COL25A1: variants seen among roughly 807,000 people sequenced by gnomAD.
The protein encoded by COL25A1 is collagen type XXV alpha 1 chain.
A neutral mutation model predicts 128.4 loss-of-function variants in COL25A1; 103 were observed. The observed-to-expected ratio is 0.80, with a 90% confidence interval of 0.68 to 0.94. The LOEUF (loss-of-function observed/expected upper bound fraction) is 0.94. COL25A1 is among the 40% of genes least tolerant of loss of function. The pLI, the probability that COL25A1 is intolerant of heterozygous loss-of-function variation, is 0.00. For synonymous variants in COL25A1, 279 were observed against 277.2 expected, an observed-to-expected ratio of 1.01 and a Z score of -0.06; for missense variants, 745 against 840.0, an observed-to-expected ratio of 0.89 and a Z score of 1.40.
At chr4:109,239,368 G>T (rs1779690237) in intron 3 of COL25A1, among the ~76,000 whole-genome samples, 1 of 95,514 alleles carries the variant, frequency 1.0e-5, no homozygotes, top group South Asian at 3.6e-4. Context: ...TATTATATAT[G>T]TGTGTGTATG....
chr4:108,835,034 G>A lies in COL25A1; in HGVS notation c.1657-2601C>T, dbSNP rs1262298174. On this transcript the variant is annotated intron_variant, in intron 31 of 37. Transcript: ENST00000399132. Reference sequence around the variant, plus strand: ...GAAAAAGCCAGAAAACAATGTGTGCGACCAAGCAAAAAATAACTTCCAAAC... The same window carrying A: ...GAAAAAGCCAGAAAACAATGTGTGCAACCAAGCAAAAAATAACTTCCAAAC... Among the ~76,000 whole-genome samples the A allele has an allele frequency of 7.2e-5, 11 of 152,108 alleles. 1 individual carries two copies. Among genetic ancestry groups the A allele is most frequent in the Admixed American group, 7.2e-4 (11 of 15,272 alleles).
Position 109,248,109 on chromosome 4 carries a change from C to T in COL25A1, c.367+52474G>A, listed in dbSNP as rs138800151. On this transcript the variant is annotated intron_variant, in intron 3 of 37. Transcript: ENST00000399132. ...CTACGCATGCCTATATAATGTATTG[C>T]TATATAATGTAAATATATATGTATA... Among the ~76,000 whole-genome samples the T allele has an allele frequency of 8.3e-3, 1,266 of 151,968 alleles. 8 individuals carry two copies. The highest frequency in any genetic ancestry group is 0.038 in the Middle Eastern group (11 of 292).
intron 6 of COL25A1, 80 bp from the exon 7 acceptor site, chr4:108,974,639 G>C: frequency 8.3e-7 from 1 of 1,198,978 alleles, no homozygotes; most frequent in Non-Finnish European, 1.2e-6. Context: ...TTAGTTGAAA[G>C]ATTCATTCAA....
chr4:109,253,802 T>C (rs1414637651), intron 3 of COL25A1, among the ~76,000 whole-genome samples: 1 of 152,136 alleles, frequency 6.6e-6, no homozygotes, highest in Non-Finnish European at 1.5e-5. Context: ...TTTTTAAACA[T>C]TTAGGCCGGG....
chr4:109,280,675 CAG>C (rs1723293243), intron 3 of COL25A1, among the ~76,000 whole-genome samples: 2 of 150,516 alleles, frequency 1.3e-5, no homozygotes, highest in African/African-American at 2.4e-5. Context: ...TTTTTTGAGA[CAG>C]AGTCTTGCTC....
At chr4:109,197,881 A>G (rs1302818265) in intron 3 of COL25A1, among the ~76,000 whole-genome samples, 2 of 152,156 alleles carry the variant, frequency 1.3e-5, no homozygotes, top group Admixed American at 6.5e-5. Flanking sequence ...ACTAACAAGT[A>G]CCAGTGGAAT....
intron 8 of COL25A1, among the ~76,000 whole-genome samples, chr4:108,966,215 A>T (rs1030768284): frequency 2.0e-5 from 3 of 151,744 alleles, no homozygotes; most frequent in Non-Finnish European, 4.4e-5. Context: ...TCATTCATTC[A>T]CTTATGTTTT....
chr4:108,859,713 C>A lies in COL25A1; in HGVS notation c.1263G>T (p.Gly421=), dbSNP rs1429650244. The A allele has an allele frequency of 6.2e-7, 1 of 1,613,812 alleles. No homozygotes were observed. Among genetic ancestry groups the A allele is most frequent in the South Asian group, 1.1e-5 (1 of 91,060 alleles). ...QGPRGPPGQK[G]DQGATEIIDY... is the part of the protein sequence containing the mutation. ...CTATGATCTCAGTGGCTCCTTGATCCCCTTTTTGACCAGGTGGACCCTATG... is the reference window on the plus strand; with the variant it reads ...CTATGATCTCAGTGGCTCCTTGATCACCTTTTTGACCAGGTGGACCCTATG... The change falls in exon 24 of 38, where the codon GGG becomes GGT. Residue 421 remains glycine, a synonymous_variant. Transcript: ENST00000399132.
intron 8 of COL25A1, among the ~76,000 whole-genome samples, chr4:108,967,530 T>C (rs1751449773): frequency 6.6e-6 from 1 of 152,180 alleles, no homozygotes; most frequent in East Asian, 1.9e-4. Context: ...GATTTTTTCA[T>C]ATACTACTTT....
At chr4:108,907,931 G>C (rs1177075237) in intron 13 of COL25A1, among the ~76,000 whole-genome samples, 1 of 152,074 alleles carries the variant, frequency 6.6e-6, no homozygotes, top group Non-Finnish European at 1.5e-5. Flanking sequence ...TGCTTCCATG[G>C]GGCTGTTTTT....
chr4:109,168,185 G>A (rs906499306), intron 3 of COL25A1, among the ~76,000 whole-genome samples: 4 of 152,132 alleles, frequency 2.6e-5, no homozygotes, highest in African/African-American at 9.7e-5. Flanking sequence ...TTGTTTTCAA[G>A]GTTATGTGAA....
chr4:108,848,746 CT>C lies in COL25A1; in HGVS notation c.1434+12del. The C allele has an allele frequency of 6.4e-7, 1 of 1,564,742 alleles. No homozygotes were observed. The highest frequency in any genetic ancestry group is 8.8e-7 in the Non-Finnish European group (1 of 1,135,350). On this transcript the variant is annotated intron_variant, in intron 27 of 37. Coordinates refer to ENST00000399132, the MANE Select transcript of COL25A1 (RefSeq NM_198721.4). ...TGATGCTTTAAATAATAGTATACATCTTTGAAAATTACCTGCTCTCCATCCA... is the reference window on the plus strand; with the variant it reads ...TGATGCTTTAAATAATAGTATACATCTTGAAAATTACCTGCTCTCCATCCA...
intron 6 of COL25A1, among the ~76,000 whole-genome samples, chr4:108,976,844 C>G (rs1752487136): frequency 6.6e-6 from 1 of 152,202 alleles, no homozygotes. Context: ...TTACTAATAA[C>G]TACATCATGT....
intron 8 of COL25A1, among the ~76,000 whole-genome samples, chr4:108,950,905 A>C (rs1161421495): frequency 6.6e-6 from 1 of 152,224 alleles, no homozygotes; most frequent in African/African-American, 2.4e-5. Context: ...CTCTGGTTAG[A>C]GGAGCAGGCA....
intron 3 of COL25A1, among the ~76,000 whole-genome samples, chr4:109,098,846 A>G (rs1157735575): frequency 6.6e-6 from 1 of 152,240 alleles, no homozygotes; most frequent in Non-Finnish European, 1.5e-5. Context: ...TAGACAACAG[A>G]GTGAAATAAA....
chr4:109,264,811 T>C (rs1185448859), intron 3 of COL25A1, among the ~76,000 whole-genome samples: 2 of 152,178 alleles, frequency 1.3e-5, no homozygotes, highest in Non-Finnish European at 2.9e-5. Context: ...TCTTCAGCAA[T>C]CCCACTCATT....
At chr4:109,032,025 C>T (rs1758913639) in intron 5 of COL25A1, among the ~76,000 whole-genome samples, 1 of 152,240 alleles carries the variant, frequency 6.6e-6, no homozygotes, top group East Asian at 1.9e-4. Flanking sequence ...ACTGCATGCT[C>T]CTTGAACAGC....
chr4:109,129,411 GA>G (rs1768949449), intron 3 of COL25A1, among the ~76,000 whole-genome samples: 1 of 152,132 alleles, frequency 6.6e-6, no homozygotes, highest in African/African-American at 2.4e-5. Flanking sequence ...TTACAGGCAT[GA>G]GCCACTGCGC....
At chr4:108,970,614 T>C in intron 8 of COL25A1, among the ~76,000 whole-genome samples, 1 of 152,196 alleles carries the variant, frequency 6.6e-6, no homozygotes, top group Non-Finnish European at 1.5e-5. Flanking sequence ...TATATTGTTA[T>C]TAACTGTGGT....
Sources: allele counts gnomAD v4.1 joint callset (sites outside exome capture counted in the v4.1 genomes callset), GRCh38; gene constraint gnomAD v4.1.1; transcripts MANE v1.5; gene names NCBI Gene and HGNC (gene_info 2026-07-23, HGNC 2026-07-21).